BMAL2: variants seen among roughly 807,000 people sequenced by gnomAD.
The protein encoded by BMAL2 is basic helix-loop-helix ARNT like 2.
chr12:27,401,985 G>C, the BMAL2 span, among the ~76,000 whole-genome samples: 1 of 152,148 alleles, frequency 6.6e-6, no homozygotes, highest in Non-Finnish European at 1.5e-5. Flanking sequence ...GATTTCTACT[G>C]TGCATTATTG....
chr12:27,380,232 C>T, the BMAL2 span: 1 of 1,612,928 alleles, frequency 6.2e-7, no homozygotes, highest in Non-Finnish European at 8.5e-7. Flanking sequence ...AAAGGAAGTT[C>T]CTTTTCCCTC....
the BMAL2 span, among the ~76,000 whole-genome samples, chr12:27,340,758 A>G: frequency 6.6e-6 from 1 of 151,924 alleles, no homozygotes; most frequent in Non-Finnish European, 1.5e-5. Flanking sequence ...ATGTTTTTCC[A>G]TTTTCTGTGT....
At chr12:27,410,572 A>G in the BMAL2 span, among the ~76,000 whole-genome samples, 2 of 152,142 alleles carry the variant, frequency 1.3e-5, no homozygotes, top group Non-Finnish European at 2.9e-5. Flanking sequence ...AGGAAGGGGA[A>G]CATCACACAC....
the BMAL2 span, among the ~76,000 whole-genome samples, chr12:27,337,436 A>G: frequency 6.6e-6 from 1 of 152,140 alleles, no homozygotes; most frequent in African/African-American, 2.4e-5. Flanking sequence ...CCCCTGTGAT[A>G]TGTCCTATAC....
At chr12:27,371,217 G>C in the BMAL2 span, among the ~76,000 whole-genome samples, 66 of 152,248 alleles carry the variant, frequency 4.3e-4, no homozygotes, top group African/African-American at 1.5e-3. Flanking sequence ...GTATGATGGC[G>C]TATGCCTGTA....
the BMAL2 span, among the ~76,000 whole-genome samples, chr12:27,361,512 A>G: frequency 6.6e-6 from 1 of 152,316 alleles, no homozygotes; most frequent in Admixed American, 6.5e-5. Flanking sequence ...TTTGGCAAGG[A>G]AAGACAATAT....
At chr12:27,335,572 G>A in the BMAL2 span, among the ~76,000 whole-genome samples, 2 of 152,192 alleles carry the variant, frequency 1.3e-5, no homozygotes, top group East Asian at 3.8e-4. Flanking sequence ...CAAACGTCAT[G>A]TCCCAATCAA....
chr12:27,405,840 C>T, the BMAL2 span, among the ~76,000 whole-genome samples: 3 of 151,964 alleles, frequency 2.0e-5, no homozygotes, highest in Admixed American at 6.6e-5. Flanking sequence ...AGTTAAAAAC[C>T]TTGAAAAAAA....
the BMAL2 span, chr12:27,403,378 G>T: frequency 7.7e-6 from 9 of 1,167,732 alleles, no homozygotes; most frequent in South Asian, 1.3e-5. Context: ...GAAATTATTT[G>T]AATTGAAAGA....
At chr12:27,416,019 C>T in the BMAL2 span, 1 of 1,075,870 alleles carries the variant, frequency 9.3e-7, no homozygotes, top group Non-Finnish European at 1.4e-6. Flanking sequence ...TTGATTATTT[C>T]TTTTAAGAAA....
chr12:27,402,626 A>G, the BMAL2 span: 1 of 1,612,320 alleles, frequency 6.2e-7, no homozygotes, highest in Non-Finnish European at 8.5e-7. Context: ...TAGGGGACAT[A>G]GTGAGCCTGG....
At chr12:27,400,693 A>G in the BMAL2 span, 1 of 1,613,834 alleles carries the variant, frequency 6.2e-7, no homozygotes, top group Non-Finnish European at 8.5e-7. Flanking sequence ...GTTCCACAGA[A>G]CAGTGGAGAG....
At chr12:27,354,766 C>T in the BMAL2 span, among the ~76,000 whole-genome samples, 1 of 152,144 alleles carries the variant, frequency 6.6e-6, no homozygotes, top group Non-Finnish European at 1.5e-5. Context: ...AATTCTGACA[C>T]ACTTCTCCTA....
the BMAL2 span, among the ~76,000 whole-genome samples, chr12:27,334,398 TA>T: frequency 6.6e-6 from 1 of 152,166 alleles, no homozygotes; most frequent in Non-Finnish European, 1.5e-5. Flanking sequence ...TGAATGCAAA[TA>T]AAATGCTTAG....
the BMAL2 span, among the ~76,000 whole-genome samples, chr12:27,351,948 G>C: frequency 6.6e-6 from 1 of 152,010 alleles, no homozygotes; most frequent in Non-Finnish European, 1.5e-5. Flanking sequence ...AATATTTTTA[G>C]ACCATTTACT....
chr12:27,375,437 G>T, the BMAL2 span, among the ~76,000 whole-genome samples: 1 of 152,114 alleles, frequency 6.6e-6, no homozygotes, highest in East Asian at 1.9e-4. Context: ...AGTGTTAAAT[G>T]AATAAGACAA....
chr12:27,394,852 T>C, the BMAL2 span, among the ~76,000 whole-genome samples: 1 of 152,312 alleles, frequency 6.6e-6, no homozygotes, highest in Admixed American at 6.5e-5. Flanking sequence ...CAGAGAGCTT[T>C]TTGTCTCTGC....
chr12:27,419,972 G>T, the BMAL2 span, among the ~76,000 whole-genome samples: 1 of 150,674 alleles, frequency 6.6e-6, no homozygotes, highest in African/African-American at 2.5e-5. Context: ...AACAGATAGG[G>T]TTTTTTCATA....
At chr12:27,351,091 G>A in the BMAL2 span, among the ~76,000 whole-genome samples, 1 of 147,850 alleles carries the variant, frequency 6.8e-6, no homozygotes. Flanking sequence ...TATGCTCAAG[G>A]GATCCTCCTG....
Sources: gnomAD v4.1 joint callset for allele counts (sites outside exome capture counted in the v4.1 genomes callset) on GRCh38, gnomAD v4.1.1 for gene constraint, MANE v1.5 for transcripts, NCBI Gene and HGNC (gene_info 2026-07-23, HGNC 2026-07-21) for gene names.